Variants in NHS observed in about 807,000 individuals in gnomAD.
NHS encodes the protein NHS actin remodeling regulator, also known as actin remodeling regulator NHS.
Under a neutral mutation model 72.5 loss-of-function variants are expected in NHS, and 5 were observed. The ratio of observed to expected loss-of-function variants is 0.07; its 90% CI spans 0.04 to 0.14. NHS has a LOEUF of 0.14. NHS is among the 10% of genes least tolerant of loss of function. NHS has a pLI of 1.00. For synonymous variants in NHS, 464 were observed against 547.7 expected (o/e 0.85, Z 2.13); for missense variants, 1,072 against 1,355.7 (o/e 0.79, Z 3.29).
chrX:17,584,340 C>T lies in NHS; in HGVS notation c.566-103402C>T, dbSNP rs7055524. 9.6e-3 allele frequency among the ~76,000 whole-genome samples: 1,063 copies of T among 111,225 alleles called. 17 individuals are homozygous for T. The highest frequency in any genetic ancestry group is 0.033 in the African/African-American group (1,001 of 30,571). ...GGGCAGGGTGGGGCACACAACCCAGCTACTCGGGTGGCTACTGCTCCTGCT... is the reference window on the plus strand; with the variant it reads ...GGGCAGGGTGGGGCACACAACCCAGTTACTCGGGTGGCTACTGCTCCTGCT... On this transcript the variant is annotated intron_variant, in intron 1 of 8. Transcript: ENST00000676302.
chrX:17,584,782 T>TG (rs1347750154), intron 1 of NHS, among the ~76,000 whole-genome samples: 9 of 111,556 alleles, frequency 8.1e-5, no homozygotes, highest in South Asian at 3.8e-4. Flanking sequence ...CCTTACTGGG[T>TG]GGTACTTGGT....
intron 1 of NHS, among the ~76,000 whole-genome samples, chrX:17,668,568 C>G (rs2066026445): frequency 9.1e-6 from 1 of 110,281 alleles, no homozygotes; most frequent in African/African-American, 3.3e-5. Context: ...ATTCTCTTAC[C>G]ACACATTTTC....
At chrX:17,688,229 G>C (rs754784958) in intron 2 of NHS, among the ~76,000 whole-genome samples, 1 of 111,965 alleles carries the variant, frequency 8.9e-6, no homozygotes, top group Non-Finnish European at 1.9e-5. Flanking sequence ...AGCAAGTCTG[G>C]ATTAAGTACA....
At position 17,727,274 on chromosome X, in the gene NHS, C is replaced by T. The variant is rs775865902; in HGVS notation, c.3168C>T (p.Val1056=). The change falls in exon 7 of 9, where the codon GTC becomes GTT. Residue 1056 remains valine, a synonymous_variant. Coordinates refer to ENST00000676302, the MANE Select transcript of NHS (RefSeq NM_001291867.2). ...GAGGTAGCAAAAGAAAACCTAAAGT[C>T]CCAGAAAGAAAATCCTCACTACAGC... ...SPGGSKRKPK[V]PERKSSLQQP... 3.3e-6 allele frequency: 4 copies of T among 1,209,688 alleles called. No homozygotes were observed. The highest frequency in any genetic ancestry group is 5.9e-5 in the East Asian group (2 of 33,801).
chrX:17,725,124 CAT>C (rs753297744), intron 6 of NHS, among the ~76,000 whole-genome samples: 32 of 110,605 alleles, frequency 2.9e-4, no homozygotes, highest in African/African-American at 7.6e-4. Context: ...GACATAAAAG[CAT>C]ATCTTCTCTT....
At chrX:17,650,724 T>A (rs1240027319) in intron 1 of NHS, among the ~76,000 whole-genome samples, 2 of 112,460 alleles carry the variant, frequency 1.8e-5, no homozygotes, top group African/African-American at 6.5e-5. Flanking sequence ...CCTTGTAGAG[T>A]CAATTCTTCC....
At chrX:17,561,801 A>G (rs148913350) in intron 1 of NHS, among the ~76,000 whole-genome samples, 2 of 108,651 alleles carry the variant, frequency 1.8e-5, no homozygotes, top group Non-Finnish European at 3.8e-5. Context: ...AACAGAAATC[A>G]TGATGCTAAT....
intron 1 of NHS, among the ~76,000 whole-genome samples, chrX:17,409,756 A>G (rs1171886197): frequency 9.0e-6 from 1 of 111,722 alleles, no homozygotes; most frequent in Non-Finnish European, 1.9e-5. Context: ...TTCATTGGCT[A>G]AAGCAAGTCA....
intron 3 of NHS, among the ~76,000 whole-genome samples, chrX:17,714,110 G>C (rs2066350717): frequency 9.1e-6 from 1 of 109,868 alleles, no homozygotes; most frequent in Non-Finnish European, 1.9e-5. Context: ...GTGGTAGAAG[G>C]GCCAGAATAG....
chrX:17,501,729 A>AAAAC (rs929913959), intron 1 of NHS, among the ~76,000 whole-genome samples: 4 of 112,672 alleles, frequency 3.6e-5, no homozygotes, highest in African/African-American at 9.7e-5. Context: ...CCCTGTCTCA[A>AAAAC]AAACAAACAA....
chrX:17,494,140 G>A (rs969084526), intron 1 of NHS, among the ~76,000 whole-genome samples: 1 of 98,983 alleles, frequency 1.0e-5, no homozygotes, highest in African/African-American at 3.8e-5. Context: ...GTGCAGTGGT[G>A]CAATCTCAGC....
Position 17,725,479 on chromosome X carries a change from C to T in NHS, c.1373C>T (p.Ala458Val). 1 of 1,211,597 alleles carries T rather than the reference C, an allele frequency of 8.3e-7. No homozygotes were observed. The highest frequency in any genetic ancestry group is 1.1e-6 in the Non-Finnish European group (1 of 895,488). Residue 458 changes from alanine to valine, a missense_variant, in exon 7 of 9, where the codon GCC becomes GTC. Physicochemically the swap from Ala to Val is moderately conservative, Grantham distance 64 (BLOSUM62 0). Coordinates refer to ENST00000676302, the MANE Select transcript of NHS (RefSeq NM_001291867.2). Reference sequence around the variant, plus strand: ...CAAACCGAGGATATTCTGATTGCTGCCCCATCCAGAAGGAGAATCAGAGCT... The same window carrying T: ...CAAACCGAGGATATTCTGATTGCTGTCCCATCCAGAAGGAGAATCAGAGCT... ...ECQTEDILIAAPSRRRIRAQR... is the reference protein window; with the variant it reads ...ECQTEDILIAVPSRRRIRAQR...
chrX:17,696,731 A>G (rs760170896), intron 3 of NHS, among the ~76,000 whole-genome samples: 3 of 111,904 alleles, frequency 2.7e-5, no homozygotes, highest in Admixed American at 1.9e-4. Context: ...GTAGCTGACT[A>G]TAATGGTGAT....
chrX:17,417,786 T>G (rs758082379), intron 1 of NHS, among the ~76,000 whole-genome samples: 212 of 112,425 alleles, frequency 1.9e-3, no homozygotes, highest in African/African-American at 6.0e-3. Context: ...TACAGTGTGG[T>G]CAAGATATCT....
intron 3 of NHS, among the ~76,000 whole-genome samples, chrX:17,699,040 T>A (rs1456985313): frequency 8.9e-6 from 1 of 111,967 alleles, no homozygotes; most frequent in African/African-American, 3.2e-5. Flanking sequence ...GTAAAACTTA[T>A]ATGAGAAAAA....
chrX:17,716,625 G>T (rs1284030722), intron 3 of NHS, among the ~76,000 whole-genome samples: 1 of 111,623 alleles, frequency 9.0e-6, no homozygotes, highest in Non-Finnish European at 1.9e-5. Flanking sequence ...GGGAGCCATA[G>T]ACCCTACAAA....
In NHS at chrX:17,732,106, G is replaced by A. The variant is rs980240120; in HGVS notation, c.4598G>A (p.Arg1533His). The A allele has an allele frequency of 4.1e-6, 5 of 1,211,630 alleles. No individual in the cohort carries two copies. Among genetic ancestry groups the A allele is most frequent in the Non-Finnish European group, 5.6e-6 (5 of 895,492 alleles). The change falls in exon 9 of 9, where the codon CGC becomes CAC. Residue 1533 changes from arginine to histidine, a missense_variant. Physicochemically the swap from Arg to His is conservative, Grantham distance 29. Transcript: ENST00000676302. The part of the protein sequence containing the change: ...KKGSRSDSSY[R>H]MSATEILKSP... The stretch of plus-strand genomic sequence containing the variant: ...GGCAGTCGCTCAGATTCTAGTTACC[G>A]CATGTCTGCCACTGAGATCCTGAAG...
intron 1 of NHS, among the ~76,000 whole-genome samples, chrX:17,409,590 G>A (rs1045740882): frequency 5.4e-5 from 6 of 111,327 alleles, no homozygotes; most frequent in Non-Finnish European, 9.4e-5. Context: ...CATGTCTAAG[G>A]GGTGTCACCA....
chrX:17,388,364 T>C (rs2064421300), intron 1 of NHS, among the ~76,000 whole-genome samples: 1 of 111,537 alleles, frequency 9.0e-6, no homozygotes. Flanking sequence ...GTGAAGGTGA[T>C]CCAGAGATTT....
Sources: gnomAD v4.1 joint callset for allele counts (sites outside exome capture counted in the v4.1 genomes callset) on GRCh38, gnomAD v4.1.1 for gene constraint, MANE v1.5 for transcripts, NCBI Gene and HGNC (gene_info 2026-07-23, HGNC 2026-07-21) for gene names.